Variants in CABLES1 observed in about 807,000 individuals in gnomAD.
CABLES1 encodes the protein CDK5 and ABL1 enzyme substrate 1.
CABLES1 carries 36 observed loss-of-function variants against 57.8 expected under a neutral mutation model. That is an observed-to-expected ratio of 0.62 (90% CI 0.48 to 0.82). The LOEUF (loss-of-function observed/expected upper bound fraction) is 0.82, where lower values mean the gene tolerates loss of function less well. CABLES1 is among the 40% of genes least tolerant of loss of function. The pLI, the probability that CABLES1 is intolerant of heterozygous loss-of-function variation, is 0.00. For synonymous variants in CABLES1, 374 were observed against 363.0 expected, an observed-to-expected ratio of 1.03 and a Z score of -0.35; for missense variants, 767 against 836.6, an observed-to-expected ratio of 0.92 and a Z score of 1.03.
At chr18:23,180,213 G>A (rs552439585) in intron 1 of CABLES1, among the ~76,000 whole-genome samples, 5 of 152,176 alleles carry the variant, frequency 3.3e-5, no homozygotes, top group African/African-American at 9.6e-5. Context: ...GAGCCACCGC[G>A]CCTGGCCAAC....
chr18:23,238,163 C>T (rs2047651892), intron 7 of CABLES1, among the ~76,000 whole-genome samples: 1 of 152,234 alleles, frequency 6.6e-6, no homozygotes, highest in Admixed American at 6.5e-5. Context: ...TAGGAGTGAA[C>T]CAGGGGGTCT....
Position 23,186,438 on chromosome 18 carries a change from T to C in CABLES1, c.846-2400T>C, listed in dbSNP as rs76904398. On this transcript the variant is annotated intron_variant, in intron 1 of 9. Coordinates refer to ENST00000256925, the MANE Select transcript of CABLES1 (RefSeq NM_001100619.3). ...CTTTTCTCTTCTTTTTTTTTTTTTT[T>C]CCCCAAGACGGAGTTTTGCTCTTGT... Among the ~76,000 whole-genome samples, 367 of 151,300 alleles carry C rather than the reference T, an allele frequency of 2.4e-3. 6 individuals carry two copies. The highest frequency in any genetic ancestry group is 3.4e-3 in the Middle Eastern group (1 of 294).
At chr18:23,148,099 G>C (rs565508229) in intron 1 of CABLES1, among the ~76,000 whole-genome samples, 3 of 148,424 alleles carry the variant, frequency 2.0e-5, no homozygotes, top group African/African-American at 7.5e-5. Flanking sequence ...ACGCCATTCT[G>C]CTGCCTCAGC....
In CABLES1 at chr18:23,233,116, A is replaced by C. The variant is rs537468349; in HGVS notation, c.1089-1492A>C. The stretch of plus-strand genomic sequence containing the variant: ...ACTAACAGGCACTGGATGTCAGAAC[A>C]TGAAGACCTGGTCATTCCCAAACAT... On this transcript the variant is annotated intron_variant, in intron 4 of 9. Transcript: ENST00000256925. 1.1e-3 allele frequency among the ~76,000 whole-genome samples: 171 copies of C among 152,298 alleles called. 1 individual carries two copies. The highest frequency in any genetic ancestry group is 3.9e-3 in the African/African-American group (162 of 41,566).
Position 23,176,906 on chromosome 18 carries a change from G to A in CABLES1, c.846-11932G>A, listed in dbSNP as rs545610091. 4.2e-4 allele frequency among the ~76,000 whole-genome samples: 64 copies of A among 152,224 alleles called. 2 individuals are homozygous for A. The South Asian group carries it at 0.013, about 31-fold the overall frequency. On this transcript the variant is annotated intron_variant, in intron 1 of 9. Coordinates refer to ENST00000256925, the MANE Select transcript of CABLES1 (RefSeq NM_001100619.3). ...GTTTTACTGGCGTCCTCCCTAGGAG[G>A]GCAGCCCTCTGAAGGGTCCGGTAAA...
intron 3 of CABLES1, among the ~76,000 whole-genome samples, chr18:23,203,715 C>A (rs922619274): frequency 6.6e-6 from 1 of 152,004 alleles, no homozygotes; most frequent in Non-Finnish European, 1.5e-5. Flanking sequence ...AAAAATAAAA[C>A]GGCTCGTTAC....
chr18:23,234,192 TG>T (rs1212246320), intron 4 of CABLES1, among the ~76,000 whole-genome samples: 3 of 152,160 alleles, frequency 2.0e-5, no homozygotes, highest in Non-Finnish European at 4.4e-5. Flanking sequence ...CATTGCAGCC[TG>T]GGCAACAAGA....
chr18:23,205,479 C>T (rs1384691042), intron 3 of CABLES1, among the ~76,000 whole-genome samples: 1 of 152,142 alleles, frequency 6.6e-6, no homozygotes, highest in Admixed American at 6.5e-5. Context: ...CAGGCTTGAG[C>T]CACCATACCT....
intron 1 of CABLES1, among the ~76,000 whole-genome samples, chr18:23,165,215 TA>T (rs1306136889): frequency 6.6e-6 from 1 of 152,156 alleles, no homozygotes; most frequent in Non-Finnish European, 1.5e-5. Flanking sequence ...CCCAAGTAGC[TA>T]GGACTGCAAG....
chr18:23,139,403 C>A (rs1302765454), intron 1 of CABLES1, among the ~76,000 whole-genome samples: 42 of 111,108 alleles, frequency 3.8e-4, no homozygotes, highest in Admixed American at 6.1e-4. Context: ...AACTCCATCT[C>A]AAAAAAAAAA....
At chr18:23,234,872 G>T (rs1217077640) in intron 5 of CABLES1, among the ~76,000 whole-genome samples, 168 bp downstream of exon 5, 1 of 152,252 alleles carries the variant, frequency 6.6e-6, no homozygotes, top group Non-Finnish European at 1.5e-5. Context: ...TGTGCAGCCG[G>T]TGATTGAGTA....
intron 3 of CABLES1, among the ~76,000 whole-genome samples, chr18:23,211,541 G>T (rs1420452462): frequency 6.6e-6 from 1 of 152,256 alleles, no homozygotes; most frequent in Non-Finnish European, 1.5e-5. Flanking sequence ...TGACCCACAG[G>T]CCAGGCTGGA....
At chr18:23,222,294 C>G (rs1308417007) in intron 4 of CABLES1, among the ~76,000 whole-genome samples, 1 of 152,044 alleles carries the variant, frequency 6.6e-6, no homozygotes, top group Non-Finnish European at 1.5e-5. Context: ...CACCTGTTCC[C>G]CCACCCCCAG....
intron 3 of CABLES1, among the ~76,000 whole-genome samples, chr18:23,200,352 T>C (rs555401878): frequency 9.3e-5 from 14 of 150,626 alleles, no homozygotes; most frequent in South Asian, 2.1e-4. Context: ...CTCCGCCTCC[T>C]AGGTTCACAC....
intron 1 of CABLES1, among the ~76,000 whole-genome samples, chr18:23,145,947 G>A (rs903362418): frequency 6.6e-6 from 1 of 152,206 alleles, no homozygotes; most frequent in Non-Finnish European, 1.5e-5. Context: ...TGATATGTGT[G>A]TGCAAGAGGG....
chr18:23,170,354 G>A lies in CABLES1; in HGVS notation c.846-18484G>A, dbSNP rs140239425. 1.1e-3 allele frequency among the ~76,000 whole-genome samples: 162 copies of A among 152,312 alleles called. 1 individual carries two copies. Among genetic ancestry groups the A allele is most frequent in the Admixed American group, 3.9e-3 (59 of 15,304 alleles). ...CTTCCTAAGAGCCTTCGTGCTGTGC[G>A]AAGGAATGTCTGACCACACACAGAA... On this transcript the variant is annotated intron_variant, in intron 1 of 9. Coordinates refer to ENST00000256925, the MANE Select transcript of CABLES1 (RefSeq NM_001100619.3).
rs1454776423 is a variant in CABLES1, at chr18:23,257,576, G to A, written c.*209G>A. 4 of 503,158 alleles carry A rather than the reference G, an allele frequency of 7.9e-6. No individual in the cohort carries two copies. The highest frequency in any genetic ancestry group is 4.0e-5 in the Admixed American group (1 of 25,000). The allele number at this position is 503,158 out of a possible 1,614,324, so 31.2% of individuals were successfully genotyped here. On this transcript the variant is annotated 3_prime_UTR_variant, in exon 10 of 10. Coordinates refer to ENST00000256925, the MANE Select transcript of CABLES1 (RefSeq NM_001100619.3). ...CATGAGCTATGGACTCCTCAAGCAC[G>A]GGAAGAGGAGGTGTGTGCTGAGAAC...
intron 3 of CABLES1, among the ~76,000 whole-genome samples, chr18:23,199,616 C>T (rs1002977877): frequency 2.0e-5 from 3 of 152,114 alleles, no homozygotes; most frequent in Admixed American, 6.5e-5. Flanking sequence ...CATATGACTC[C>T]ATTTAATTGA....
At chr18:23,157,945 A>G (rs2046976649) in intron 1 of CABLES1, among the ~76,000 whole-genome samples, 1 of 152,194 alleles carries the variant, frequency 6.6e-6, no homozygotes, top group South Asian at 2.1e-4. Flanking sequence ...TTATAAATAA[A>G]GTAAAACATT....
Sources: gnomAD v4.1 joint callset for allele counts (sites outside exome capture counted in the v4.1 genomes callset) on GRCh38, gnomAD v4.1.1 for gene constraint, MANE v1.5 for transcripts, NCBI Gene and HGNC (gene_info 2026-07-23, HGNC 2026-07-21) for gene names.